The following ARAP1 variants were observed in gnomAD, a reference collection of about 807,000 sequenced individuals.
ARAP1 encodes ArfGAP with RhoGAP domain, ankyrin repeat and PH domain 1, also known as arf-GAP with Rho-GAP domain, ANK repeat and PH domain-containing protein 1.
ARAP1 carries 76 observed loss-of-function variants against 172.2 expected under a neutral mutation model. That is an observed-to-expected ratio of 0.44 (90% CI 0.37 to 0.53). The LOEUF (loss-of-function observed/expected upper bound fraction) is 0.53. ARAP1 is among the 20% of genes least tolerant of loss of function. The probability of loss-of-function intolerance (pLI) is 0.00; values close to 1 mark genes in which losing one functional copy is unlikely to be tolerated. For synonymous variants in ARAP1, 804 were observed against 803.3 expected, an observed-to-expected ratio of 1.00 and a Z score of -0.01; for missense variants, 1,686 against 1,977.5, an observed-to-expected ratio of 0.85 and a Z score of 2.80.
At chr11:72,702,207 G>A (rs546680041) in intron 15 of ARAP1, among the ~76,000 whole-genome samples, 1 of 152,226 alleles carries the variant, frequency 6.6e-6, no homozygotes, top group African/African-American at 2.4e-5. Flanking sequence ...CAGCGCCGTG[G>A]GGGGGCGGTG....
rs1312221324 is a variant in ARAP1, at chr11:72,725,401, G to A, written c.509+1219C>T. Among the ~76,000 whole-genome samples, 5 of 152,168 alleles carry A rather than the reference G, an allele frequency of 3.3e-5. No individual in the cohort carries two copies. The East Asian group carries it at 9.7e-4, about 29-fold the overall frequency. The stretch of plus-strand genomic sequence containing the variant: ...TGCATGCAGAAGAATGGTCACTAGA[G>A]GGCGCAAGGGCACCAGGAACCTTCA... On this transcript the variant is annotated intron_variant, in intron 3 of 34. Coordinates refer to ENST00000393609, the MANE Select transcript of ARAP1 (RefSeq NM_001040118.3). This position sits in a 1 kb window ranked among gnomAD's most constrained non-coding sequence, Gnocchi z 4.3.
chr11:72,693,576 G>A lies in ARAP1; in HGVS notation c.3809-106C>T. ...ATCCTGCCCCAGCCTCTCCATAGAG[G>A]CCCACCCACTTGGCGCCCTCTGTCT... On this transcript the variant is annotated intron_variant, in intron 28 of 34. Coordinates refer to ENST00000393609, the MANE Select transcript of ARAP1 (RefSeq NM_001040118.3). The surrounding 1 kb of genome is among the most constrained non-coding windows in gnomAD (Gnocchi z 4.6). 6.5e-7 allele frequency: 1 copy of A among 1,541,072 alleles called. No individual in the cohort carries two copies. Among genetic ancestry groups the A allele is most frequent in the Non-Finnish European group, 8.8e-7 (1 of 1,139,622 alleles).
chr11:72,716,967 A>AG (rs1375947228), intron 3 of ARAP1, among the ~76,000 whole-genome samples: 1 of 152,166 alleles, frequency 6.6e-6, no homozygotes, highest in East Asian at 1.9e-4. Flanking sequence ...GCACTGCACC[A>AG]GGCCGTCTCC....
At chr11:72,705,763 G>C in intron 13 of ARAP1, 42 bp downstream of exon 13, 1 of 1,608,500 alleles carries the variant, frequency 6.2e-7, no homozygotes. Context: ...CTGTTGAATG[G>C]GGCAGACCCC....
At position 72,688,478 on chromosome 11, in the gene ARAP1, C is replaced by T. The variant is rs1855786297; in HGVS notation, c.4047G>A (p.Lys1349=). 2 of 1,612,450 alleles carry T rather than the reference C, an allele frequency of 1.2e-6. No individual in the cohort carries two copies. Among genetic ancestry groups the T allele is most frequent in the Admixed American group, 3.3e-5 (2 of 59,854 alleles). The change falls in exon 31 of 35, where the codon AAG becomes AAA. Residue 1349 remains lysine (K), a synonymous_variant. Coordinates refer to ENST00000393609, the MANE Select transcript of ARAP1 (RefSeq NM_001040118.3). ...ACCAGGTGGGTGGCCTGAGTTTCTT[C>T]TTCACTCCCAGGTAGACTTTGAGAC... The part of the protein sequence containing the change: ...IKSLKVYLGV[K]KKLRPPTCWG...
chr11:72,695,260 C>T lies in ARAP1; in HGVS notation c.3576+127G>A, dbSNP rs1311081407. The T allele has an allele frequency of 1.4e-6, 2 of 1,384,904 alleles. No homozygotes were observed. Among genetic ancestry groups the T allele is most frequent in the African/African-American group, 1.4e-5 (1 of 70,248 alleles). The allele number at this position is 1,384,904 out of a possible 1,614,324, so 85.8% of individuals were successfully genotyped here. A position where few individuals can be genotyped will look rare whatever the true frequency, so the allele number is the denominator to read the frequency against. ...TGGTCCTTAGGAGCAGACCCCAGCA[C>T]CAGCCAGATACAGGTCCCAAACTGG... On this transcript the variant is annotated intron_variant, in intron 26 of 34. Transcript: ENST00000393609. This position sits in a 1 kb window ranked among gnomAD's most constrained non-coding sequence, Gnocchi z 4.4.
intron 19 of ARAP1, 33 bp downstream of exon 19, chr11:72,697,878 T>A: frequency 6.5e-7 from 1 of 1,535,492 alleles, no homozygotes; most frequent in African/African-American, 1.4e-5. Flanking sequence ...TAGGGTGCCC[T>A]GGAGGCTGGG....
intron 8 of ARAP1, 50 bp downstream of exon 8, chr11:72,711,380 G>T: frequency 1.3e-6 from 2 of 1,574,524 alleles, no homozygotes; most frequent in Non-Finnish European, 8.7e-7. Context: ...CAGTGTTGGG[G>T]CCAGCCTAGG....
intron 14 of ARAP1, 159 bp downstream of exon 14, chr11:72,703,993 G>T: frequency 1.0e-6 from 1 of 986,236 alleles, no homozygotes; most frequent in Non-Finnish European, 1.5e-6. Flanking sequence ...CTTTTCACAT[G>T]GCTTAGGCAG....
chr11:72,685,768 A>G, intron 34 of ARAP1, 87 bp from the exon 35 acceptor site: 1 of 1,548,058 alleles, frequency 6.5e-7, no homozygotes. Flanking sequence ...TGCTGCAGCC[A>G]CTCTCCACTG....
In ARAP1 at chr11:72,710,924, G is replaced by A; in HGVS notation, c.1213+97C>T. On this transcript the variant is annotated intron_variant, in intron 9 of 34. Transcript: ENST00000393609. The surrounding 1 kb of genome is among the most constrained non-coding windows in gnomAD (Gnocchi z 4.3). Reference sequence around the variant, plus strand: ...TGCCTCCCCGGATGTGATGTGAGAGGGCAGATGCACCATGACTCTCTTCCC... The same window carrying A: ...TGCCTCCCCGGATGTGATGTGAGAGAGCAGATGCACCATGACTCTCTTCCC... 1 of 1,577,896 alleles carries A rather than the reference G, an allele frequency of 6.3e-7. No homozygotes were observed. The highest frequency in any genetic ancestry group is 1.3e-5 in the African/African-American group (1 of 74,414).
chr11:72,733,208 GC>G (rs930882266), intron 1 of ARAP1, among the ~76,000 whole-genome samples: 1 of 152,142 alleles, frequency 6.6e-6, no homozygotes, highest in African/African-American at 2.4e-5. Flanking sequence ...CCACTCTCTG[GC>G]CCTGCAAGAC....
chr11:72,698,145 G>T (rs750439607), intron 18 of ARAP1, 39 bp from the exon 19 acceptor site: 140 of 1,530,754 alleles, frequency 9.1e-5, no homozygotes, highest in Non-Finnish European at 1.1e-4. Flanking sequence ...ATCAGCCAAC[G>T]GCACTGCCTG....
intron 2 of ARAP1, among the ~76,000 whole-genome samples, 153 bp from the exon 3 acceptor site, chr11:72,727,325 G>T (rs1369807539): frequency 2.0e-5 from 3 of 152,192 alleles, no homozygotes; most frequent in African/African-American, 7.2e-5. Flanking sequence ...GCCAGGTACT[G>T]CCAGGTCTCT....
chr11:72,695,395 G>C lies in ARAP1; in HGVS notation c.3568C>G (p.His1190Asp), dbSNP rs755225622. The C allele has an allele frequency of 6.2e-7, 1 of 1,614,066 alleles. No homozygotes were observed. The highest frequency in any genetic ancestry group is 1.3e-5 in the African/African-American group (1 of 74,946). Residue 1190 changes from histidine (H) to aspartate (D), a missense_variant, in exon 26 of 35, where the codon CAT becomes GAT. Around this residue, in one of 5 missense-constraint regions of ARAP1, gnomAD observed 379 missense variants for 500.1 expected, o/e 0.76. Transcript: ENST00000393609. The surrounding 1 kb of genome is among the most constrained non-coding windows in gnomAD (Gnocchi z 4.4). The part of the protein sequence containing the change: ...LEEKKAETEQ[H>D]IKVPASMTAE... ...TAGGTCCCAGCACCTACCTTGATAT[G>C]CTGCTCAGTCTCTGCCTTCTTCTCT...
At chr11:72,703,168 A>G in intron 14 of ARAP1, 89 bp from the exon 15 acceptor site, 1 of 1,323,388 alleles carries the variant, frequency 7.6e-7, no homozygotes, top group East Asian at 2.5e-5. Context: ...AAGAAAAGGA[A>G]GGAGTCACCC....
At chr11:72,714,884 C>T (rs1857208430) in intron 3 of ARAP1, among the ~76,000 whole-genome samples, 1 of 152,176 alleles carries the variant, frequency 6.6e-6, no homozygotes, top group Non-Finnish European at 1.5e-5. Context: ...CCTGATCCCA[C>T]CAGACCCATC....
chr11:72,717,004 CA>C (rs1234433169), intron 3 of ARAP1, among the ~76,000 whole-genome samples: 1 of 152,150 alleles, frequency 6.6e-6, no homozygotes, highest in African/African-American at 2.4e-5. Context: ...CCCTTTGGGG[CA>C]GGGGCAGCAT....
chr11:72,724,021 A>T (rs1857612441), intron 3 of ARAP1, among the ~76,000 whole-genome samples: 1 of 152,180 alleles, frequency 6.6e-6, no homozygotes. Flanking sequence ...CACAGCAGTA[A>T]TTGAGCACAA....
Sources: allele counts gnomAD v4.1 joint callset (sites outside exome capture counted in the v4.1 genomes callset), GRCh38; gene constraint gnomAD v4.1.1; regional missense constraint gnomAD v4.1.1; non-coding constraint Gnocchi (gnomAD v3.1); transcripts MANE v1.5; gene names NCBI Gene and HGNC (gene_info 2026-07-23, HGNC 2026-07-21).